Variants in TMEM132D observed in about 807,000 individuals in gnomAD.
The protein encoded by TMEM132D is transmembrane protein 132D, also known as mature OL transmembrane protein.
In TMEM132D, 21 loss-of-function variants were observed where a neutral mutation model predicts 62.3. That is an observed-to-expected ratio of 0.34 (90% CI 0.24 to 0.49). TMEM132D has a LOEUF of 0.49. TMEM132D is among the 20% of genes least tolerant of loss of function. The probability of loss-of-function intolerance (pLI) is 0.99; values close to 1 mark genes in which losing one functional copy is unlikely to be tolerated. For missense variants in TMEM132D, 1,346 were observed against 1,402.8 expected, an observed-to-expected ratio of 0.96 and a Z score of 0.65; for synonymous variants, 621 against 575.6, an observed-to-expected ratio of 1.08 and a Z score of -1.13.
intron 8 of TMEM132D, among the ~76,000 whole-genome samples, chr12:129,077,671 A>G (rs1874311513): frequency 6.6e-6 from 1 of 151,910 alleles, no homozygotes; most frequent in Admixed American, 6.6e-5. Context: ...AAGCAAAAAC[A>G]TATATGACAC....
intron 5 of TMEM132D, among the ~76,000 whole-genome samples, chr12:129,175,278 G>A (rs2135548326): frequency 6.6e-6 from 1 of 152,214 alleles, no homozygotes; most frequent in Non-Finnish European, 1.5e-5. Flanking sequence ...TCCAGTTTCA[G>A]TTTTCTGTAT....
At chr12:129,726,675 G>A (rs1322611849) in intron 1 of TMEM132D, among the ~76,000 whole-genome samples, 4 of 152,058 alleles carry the variant, frequency 2.6e-5, no homozygotes, top group Non-Finnish European at 4.4e-5. Flanking sequence ...GAGGGGTGAG[G>A]GTAAAGTGGG....
intron 2 of TMEM132D, among the ~76,000 whole-genome samples, chr12:129,640,296 C>A (rs748592383): frequency 6.6e-6 from 1 of 152,094 alleles, no homozygotes; most frequent in African/African-American, 2.4e-5. Flanking sequence ...GCCACAGACA[C>A]AACATAAAAG....
At chr12:129,703,610 A>G (rs1480642036) in intron 1 of TMEM132D, among the ~76,000 whole-genome samples, 2 of 152,156 alleles carry the variant, frequency 1.3e-5, no homozygotes, top group Admixed American at 1.3e-4. Context: ...TAACATAAAA[A>G]TTAGCAAAGT....
Position 129,640,783 on chromosome 12 carries a change from T to G in TMEM132D, c.968+59027A>C, listed in dbSNP as rs563155236. The stretch of plus-strand genomic sequence containing the variant: ...TGAGTGATGGGTGAGTGAGTGAAGC[T>G]TCATCTGTATTTACAGCCACTCCCC... On this transcript the variant is annotated intron_variant, in intron 2 of 8. Coordinates refer to ENST00000422113, the MANE Select transcript of TMEM132D (RefSeq NM_133448.3). Among the ~76,000 whole-genome samples, 17 of 152,226 alleles carry G rather than the reference T, an allele frequency of 1.1e-4. No individual in the cohort carries two copies. The South Asian group carries it at 3.1e-3, about 28-fold the overall frequency.
rs1593205944 is a variant in TMEM132D, at chr12:129,903,986, C to T, written c.-647G>A. Among the ~76,000 whole-genome samples the T allele has an allele frequency of 1.3e-5, 2 of 149,258 alleles. No individual in the cohort carries two copies. The highest frequency in any genetic ancestry group is 3.0e-5 in the Non-Finnish European group (2 of 66,810). On this transcript the variant is annotated 5_prime_UTR_variant, in exon 1 of 9. Transcript: ENST00000422113. The surrounding 1 kb of genome is among the most constrained non-coding windows in gnomAD (Gnocchi z 6.2). ...GCCTCGGCCCGCCCGGCCCCGGGCCCGGCTGGGGCTCGCGGGGCTCTACGC... is the reference window on the plus strand; with the variant it reads ...GCCTCGGCCCGCCCGGCCCCGGGCCTGGCTGGGGCTCGCGGGGCTCTACGC...
At chr12:129,391,828 C>T (rs1871297731) in intron 3 of TMEM132D, among the ~76,000 whole-genome samples, 1 of 152,138 alleles carries the variant, frequency 6.6e-6, no homozygotes, top group Non-Finnish European at 1.5e-5. Context: ...GCTATCTTGG[C>T]TCACTGCAAT....
intron 3 of TMEM132D, among the ~76,000 whole-genome samples, chr12:129,358,956 CTT>C (rs11352248): frequency 0.14 from 21,491 of 148,572 alleles, 1,682 homozygotes; most frequent in Non-Finnish European, 0.18. Flanking sequence ...AAATTTCAAG[CTT>C]TTTTTTTTTT....
chr12:129,457,860 G>C (rs1321441313), intron 3 of TMEM132D, among the ~76,000 whole-genome samples: 2 of 152,162 alleles, frequency 1.3e-5, no homozygotes, highest in Non-Finnish European at 2.9e-5. Flanking sequence ...CCCCTCAGCA[G>C]GTCTCCCCTC....
chr12:129,374,269 C>CAGAGAGAGAGAGAGAGAGAGAGAGAGAG (rs35178347), intron 3 of TMEM132D, among the ~76,000 whole-genome samples: 15 of 144,368 alleles, frequency 1.0e-4, no homozygotes, highest in African/African-American at 3.7e-4. Flanking sequence ...CCTCACACAT[C>CAGAGAGAGAGAGAGAGAGAGAGAGAGAG]AGAGAGAGAG....
At chr12:129,201,896 T>C (rs1373826168) in intron 5 of TMEM132D, among the ~76,000 whole-genome samples, 1 of 151,856 alleles carries the variant, frequency 6.6e-6, no homozygotes, top group African/African-American at 2.4e-5. Flanking sequence ...CATGTGACAA[T>C]TTTTTTTAAC....
chr12:129,602,499 G>A (rs1223961849), intron 2 of TMEM132D, among the ~76,000 whole-genome samples: 1 of 152,110 alleles, frequency 6.6e-6, no homozygotes, highest in African/African-American at 2.4e-5. Context: ...AAAAGACATA[G>A]GGAGGAGAAG....
At chr12:129,484,728 C>T (rs7967472) in intron 3 of TMEM132D, among the ~76,000 whole-genome samples, 1 of 152,186 alleles carries the variant, frequency 6.6e-6, no homozygotes, top group Non-Finnish European at 1.5e-5. Context: ...AAGGCATGCT[C>T]TCCATGGAAA....
intron 2 of TMEM132D, among the ~76,000 whole-genome samples, chr12:129,611,110 T>C (rs1157133262): frequency 6.6e-6 from 1 of 152,210 alleles, no homozygotes; most frequent in Non-Finnish European, 1.5e-5. Flanking sequence ...TGCCTTCCTT[T>C]CTTTTTCTTC....
chr12:129,481,041 T>C (rs1327610707), intron 3 of TMEM132D, among the ~76,000 whole-genome samples: 1 of 151,902 alleles, frequency 6.6e-6, no homozygotes, highest in East Asian at 1.9e-4. Flanking sequence ...CACAGGAATG[T>C]GAATCAGCCT....
At chr12:129,459,981 T>G (rs1873606536) in intron 3 of TMEM132D, among the ~76,000 whole-genome samples, 1 of 152,238 alleles carries the variant, frequency 6.6e-6, no homozygotes, top group Non-Finnish European at 1.5e-5. Flanking sequence ...AGGTGTGTTA[T>G]TTTTGATACA....
chr12:129,242,542 G>A (rs1312201305), intron 4 of TMEM132D, among the ~76,000 whole-genome samples: 2 of 151,970 alleles, frequency 1.3e-5, no homozygotes, highest in African/African-American at 4.8e-5. Flanking sequence ...TGACAACACT[G>A]GTCTTTTAAA....
intron 2 of TMEM132D, among the ~76,000 whole-genome samples, chr12:129,552,569 CTA>C (rs1242051171): frequency 1.5e-5 from 1 of 64,758 alleles, no homozygotes; most frequent in African/African-American, 5.6e-5. Context: ...GATCTATCAT[CTA>C]TCTGTTCACA....
chr12:129,436,610 T>C (rs910713692), intron 3 of TMEM132D, among the ~76,000 whole-genome samples: 1 of 152,196 alleles, frequency 6.6e-6, no homozygotes, highest in Non-Finnish European at 1.5e-5. Context: ...ACAATTTATA[T>C]AATGGAATAC....
Sources: allele counts gnomAD v4.1 joint callset (sites outside exome capture counted in the v4.1 genomes callset), GRCh38; gene constraint gnomAD v4.1.1; non-coding constraint Gnocchi (gnomAD v3.1); transcripts MANE v1.5; gene names NCBI Gene and HGNC (gene_info 2026-07-23, HGNC 2026-07-21).